SEMA6D: variants seen among roughly 807,000 people sequenced by gnomAD.
The protein encoded by SEMA6D is semaphorin-6D.
SEMA6D carries 35 observed loss-of-function variants against 106.6 expected under a neutral mutation model. The ratio of observed to expected loss-of-function variants is 0.33; its 90% CI spans 0.25 to 0.44. SEMA6D has a LOEUF of 0.44. Among genes scored for constraint, SEMA6D ranks in the 20% least tolerant of loss-of-function variants. The pLI is 1.00. For synonymous variants in SEMA6D, 499 were observed against 487.7 expected (o/e 1.02, Z -0.31); for missense variants, 1,185 against 1,345.9 (o/e 0.88, Z 1.87).
intron 3 of SEMA6D, among the ~76,000 whole-genome samples, chr15:47,532,360 T>C (rs2044999683): frequency 6.6e-6 from 1 of 152,222 alleles, no homozygotes; most frequent in South Asian, 2.1e-4. Flanking sequence ...TGCATCTGAC[T>C]TTCCTGGAAC....
chr15:47,329,098 G>A (rs2037240761), intron 1 of SEMA6D, among the ~76,000 whole-genome samples: 1 of 152,150 alleles, frequency 6.6e-6, no homozygotes, highest in Non-Finnish European at 1.5e-5. Context: ...ATGGTTCTTG[G>A]TGCTGGCCAT....
chr15:47,564,789 C>G (rs910099614), intron 3 of SEMA6D, among the ~76,000 whole-genome samples: 2 of 152,084 alleles, frequency 1.3e-5, no homozygotes, highest in Admixed American at 6.5e-5. Context: ...ACCCATGACC[C>G]CGCCCTACCC....
At chr15:47,389,158 C>G (rs1050202513) in intron 1 of SEMA6D, among the ~76,000 whole-genome samples, 3 of 152,156 alleles carry the variant, frequency 2.0e-5, no homozygotes, top group African/African-American at 7.2e-5. Context: ...GCTTCTCTCC[C>G]TCAGTTTTCT....
intron 3 of SEMA6D, among the ~76,000 whole-genome samples, chr15:47,507,017 G>A (rs894964850): frequency 2.6e-5 from 4 of 152,130 alleles, no homozygotes; most frequent in African/African-American, 9.7e-5. Context: ...TGAGCTATTT[G>A]TCACTCTAGG....
At chr15:47,502,057 A>G (rs1022486201) in intron 3 of SEMA6D, among the ~76,000 whole-genome samples, 2 of 152,102 alleles carry the variant, frequency 1.3e-5, no homozygotes, top group Non-Finnish European at 1.5e-5. Flanking sequence ...ATATCTCCTG[A>G]TGTTTCCTCA....
At chr15:47,541,005 A>G (rs1218174889) in intron 3 of SEMA6D, among the ~76,000 whole-genome samples, 3 of 152,216 alleles carry the variant, frequency 2.0e-5, no homozygotes, top group Non-Finnish European at 2.9e-5. Flanking sequence ...AGAATTAGGT[A>G]TAAATTACAA....
chr15:47,682,236 C>T (rs1320323705), intron 4 of SEMA6D, among the ~76,000 whole-genome samples: 2 of 151,170 alleles, frequency 1.3e-5, no homozygotes, highest in Non-Finnish European at 2.9e-5. Flanking sequence ...GGCGCTATCT[C>T]GGCTCACTGC....
chr15:47,426,829 T>C (rs546096920), intron 2 of SEMA6D, among the ~76,000 whole-genome samples: 207 of 152,272 alleles, frequency 1.4e-3, no homozygotes, highest in Middle Eastern at 0.01. Context: ...TTATTCTTGT[T>C]ACAATTGTGG....
chr15:47,385,945 A>G (rs2039823906), intron 1 of SEMA6D, among the ~76,000 whole-genome samples: 1 of 152,206 alleles, frequency 6.6e-6, no homozygotes. Context: ...TTTAACACTA[A>G]CTAGTTGTGC....
chr15:47,538,737 CAAAT>C (rs751863903), intron 3 of SEMA6D, among the ~76,000 whole-genome samples: 4 of 152,054 alleles, frequency 2.6e-5, no homozygotes, highest in Non-Finnish European at 5.9e-5. Context: ...AGTTTAGTAA[CAAAT>C]AACCTTTCCA....
intron 1 of SEMA6D, among the ~76,000 whole-genome samples, chr15:47,244,126 A>G (rs2033075078): frequency 6.6e-6 from 1 of 152,122 alleles, no homozygotes; most frequent in African/African-American, 2.4e-5. Flanking sequence ...ACCAAAGGAA[A>G]ATGAACCTTG....
chr15:47,475,493 G>A lies in SEMA6D; in HGVS notation c.-87+4948G>A, dbSNP rs1438737896. ...TCCTTTGTTGGCAGATTAAATGTTT[G>A]TGTAGGCAACCTGAATGCTAGCTGG... On this transcript the variant is annotated intron_variant, in intron 3 of 19. Transcript: ENST00000558014. 2.6e-5 allele frequency among the ~76,000 whole-genome samples: 4 copies of A among 152,096 alleles called. No homozygotes were observed. In the East Asian group the frequency reaches 7.7e-4, roughly 29 times the overall value.
chr15:47,487,011 GC>G (rs1182694174), intron 3 of SEMA6D, among the ~76,000 whole-genome samples: 4 of 152,130 alleles, frequency 2.6e-5, no homozygotes, highest in South Asian at 2.1e-4. Context: ...TGTCGTCTTT[GC>G]CCTCAAGTCT....
intron 2 of SEMA6D, among the ~76,000 whole-genome samples, chr15:47,465,453 G>C (rs1286652050): frequency 6.6e-6 from 1 of 152,152 alleles, no homozygotes; most frequent in Non-Finnish European, 1.5e-5. Context: ...AACTTATAAA[G>C]GGGAAAGGTT....
chr15:47,369,855 A>G lies in SEMA6D; in HGVS notation c.-238-42538A>G, dbSNP rs537494822. ...GCATCTACTGCAAAATAAATATGAA[A>G]ATAGCTTGTACTAATTGAATGCTTG... On this transcript the variant is annotated intron_variant, in intron 1 of 19. Transcript: ENST00000558014. 3.3e-5 allele frequency among the ~76,000 whole-genome samples: 5 copies of G among 152,356 alleles called. No individual in the cohort carries two copies. The South Asian group carries it at 1.0e-3, about 32-fold the overall frequency.
chr15:47,343,892 G>A (rs1351566649), intron 1 of SEMA6D, among the ~76,000 whole-genome samples: 1 of 151,812 alleles, frequency 6.6e-6, no homozygotes, highest in Non-Finnish European at 1.5e-5. Flanking sequence ...AAATTTACAA[G>A]AAAAAAACAA....
chr15:47,615,586 CA>C (rs931164818), intron 4 of SEMA6D, among the ~76,000 whole-genome samples: 1 of 151,432 alleles, frequency 6.6e-6, no homozygotes, highest in African/African-American at 2.4e-5. Flanking sequence ...TCACCTATTG[CA>C]AAAAAAATCC....
chr15:47,541,277 C>T (rs929402406), intron 3 of SEMA6D, among the ~76,000 whole-genome samples: 8 of 152,130 alleles, frequency 5.3e-5, no homozygotes, highest in Non-Finnish European at 7.4e-5. Flanking sequence ...CTCCACTACA[C>T]TAAAAAATCA....
intron 4 of SEMA6D, among the ~76,000 whole-genome samples, chr15:47,672,839 T>G (rs192190894): frequency 6.6e-6 from 1 of 152,302 alleles, no homozygotes; most frequent in African/African-American, 2.4e-5. Flanking sequence ...CCTAATAATA[T>G]TTAATCATAT....
Sources: allele counts gnomAD v4.1 joint callset (sites outside exome capture counted in the v4.1 genomes callset), GRCh38; gene constraint gnomAD v4.1.1; transcripts MANE v1.5; gene names NCBI Gene and HGNC (gene_info 2026-07-23, HGNC 2026-07-21).